The following RUNX1T1 variants were observed in gnomAD, a reference collection of about 807,000 sequenced individuals.
The protein encoded by RUNX1T1 is protein CBFA2T1.
RUNX1T1 carries 4 observed loss-of-function variants against 62.8 expected under a neutral mutation model. The ratio of observed to expected loss-of-function variants is 0.06; its 90% CI spans 0.03 to 0.15. The LOEUF is 0.15. Among genes scored for constraint, RUNX1T1 ranks in the 10% least tolerant of loss-of-function variants. The pLI is 1.00. For missense variants in RUNX1T1, 508 were observed against 754.3 expected (o/e 0.67, Z 3.82); for synonymous variants, 291 against 286.0 (o/e 1.02, Z -0.18).
chr8:91,991,873 A>C (rs1369110519), exon 6 of RUNX1T1: 1 of 1,614,156 alleles, frequency 6.2e-7, no homozygotes, highest in South Asian at 1.1e-5. Context: ...TCTCTGTCAA[A>C]GCCATTTTCT....
At chr8:91,975,046 C>T (rs1396700626) in intron 9 of RUNX1T1, among the ~76,000 whole-genome samples, 1 of 152,216 alleles carries the variant, frequency 6.6e-6, no homozygotes, top group Non-Finnish European at 1.5e-5. Flanking sequence ...AGTTTCCCAA[C>T]TCAAAAAGAC....
intron 5 of RUNX1T1, among the ~76,000 whole-genome samples, chr8:91,997,210 C>T (rs141841762): frequency 6.6e-6 from 1 of 152,172 alleles, no homozygotes; most frequent in Non-Finnish European, 1.5e-5. Context: ...TGCTGGTAAT[C>T]CCTTTAGTAA....
At chr8:91,959,809 A>C (rs1190370181) in exon 11 of RUNX1T1, 3 of 239,144 alleles carry the variant, frequency 1.3e-5, no homozygotes, top group South Asian at 1.3e-4. Flanking sequence ...TTTTTTTTCC[A>C]TTATTGTATA....
intron 6 of RUNX1T1, 41 bp from the exon 8 acceptor site, chr8:91,987,013 G>C: frequency 7.8e-7 from 1 of 1,275,294 alleles, no homozygotes; most frequent in South Asian, 1.2e-5. Flanking sequence ...AAAGCATTCA[G>C]TACACAACCC....
At chr8:92,015,983 GA>G (rs1182823269) in intron 2 of RUNX1T1, among the ~76,000 whole-genome samples, 5 of 152,114 alleles carry the variant, frequency 3.3e-5, no homozygotes, top group Admixed American at 2.0e-4. Context: ...TACACATTTG[GA>G]AAGGTCTTTT....
upstream of RUNX1T1, among the ~76,000 whole-genome samples, chr8:92,064,047 T>C (rs770056404): frequency 1.9e-4 from 29 of 152,296 alleles, no homozygotes; most frequent in Non-Finnish European, 3.7e-4. Context: ...TCCACACTAC[T>C]TGCTATCTCC....
chr8:92,067,884 G>A (rs979986819), upstream of RUNX1T1, among the ~76,000 whole-genome samples: 2 of 151,954 alleles, frequency 1.3e-5, no homozygotes, highest in Non-Finnish European at 2.9e-5. Context: ...TATTTTCAAC[G>A]TCTAATATTT....
At chr8:91,992,765 G>T (rs1184759262) in intron 5 of RUNX1T1, among the ~76,000 whole-genome samples, 1 of 152,158 alleles carries the variant, frequency 6.6e-6, no homozygotes, top group Non-Finnish European at 1.5e-5. Context: ...TCACATGGCA[G>T]GACGGGAACA....
chr8:92,095,357 A>AGGAGCGCG lies in RUNX1T1; in HGVS notation c.-86+4215_-86+4222dup, dbSNP rs747317669. The AGGAGCGCG allele has an allele frequency of 4.6e-6, 7 of 1,535,082 alleles. No homozygotes were observed. The South Asian group carries it at 6.0e-5, about 13-fold the overall frequency. On this transcript the variant is annotated intron_variant, in intron 1 of 11. Coordinates refer to the RUNX1T1 transcript ENST00000265814. ...GTTCACGGAGATTACCTTCTGGCAA[A>AGGAGCGCG]GGAGCGCGGGAGAGCGGCCGCGGCC...
At chr8:92,077,365 A>C (rs1294988753) in intron 1 of RUNX1T1, among the ~76,000 whole-genome samples, 1 of 152,104 alleles carries the variant, frequency 6.6e-6, no homozygotes, top group Non-Finnish European at 1.5e-5. Context: ...ATAAAGCAAA[A>C]AATTTCAATG....
At chr8:91,987,071 A>G in intron 6 of RUNX1T1, 99 bp from the exon 8 acceptor site, 1 of 788,460 alleles carries the variant, frequency 1.3e-6, no homozygotes, top group Non-Finnish European at 2.2e-6. Context: ...AACTCGATGT[A>G]AAAATACGTT....
intron 5 of RUNX1T1, chr8:92,004,677 CTG>C (rs1011972100): frequency 6.3e-6 from 1 of 158,346 alleles, no homozygotes; most frequent in African/African-American, 2.4e-5. Context: ...AACTACTGTA[CTG>C]TGTTAAGAAA....
chr8:92,032,986 A>G (rs1163902615), intron 1 of RUNX1T1, among the ~76,000 whole-genome samples: 3 of 152,206 alleles, frequency 2.0e-5, no homozygotes, highest in Non-Finnish European at 4.4e-5. Context: ...TTTAATTATA[A>G]TATGGTATTA....
intron 5 of RUNX1T1, among the ~76,000 whole-genome samples, chr8:91,993,631 T>C (rs556456507): frequency 6.6e-6 from 1 of 152,228 alleles, no homozygotes; most frequent in South Asian, 2.1e-4. Flanking sequence ...CTCAGGCTTT[T>C]TTCCCCCCAG....
intron 6 of RUNX1T1, 26 bp from the exon 8 acceptor site, chr8:91,986,998 AC>A (rs772305919): frequency 6.9e-7 from 1 of 1,458,836 alleles, no homozygotes; most frequent in South Asian, 1.1e-5. Context: ...AGGCTGAATA[AC>A]CCTAAAGCAT....
chr8:91,987,373 G>C (rs905904863), intron 6 of RUNX1T1, among the ~76,000 whole-genome samples: 3 of 152,108 alleles, frequency 2.0e-5, no homozygotes, highest in African/African-American at 7.2e-5. Context: ...GACAGCATAA[G>C]TCATTTTACA....
intron 6 of RUNX1T1, among the ~76,000 whole-genome samples, chr8:91,990,285 T>A (rs1480584142): frequency 6.6e-6 from 1 of 152,252 alleles, no homozygotes; most frequent in African/African-American, 2.4e-5. Context: ...TTTCTGGTTT[T>A]CTACTTGCAT....
At chr8:91,983,706 C>T (rs982621112) in intron 8 of RUNX1T1, among the ~76,000 whole-genome samples, 2 of 152,170 alleles carry the variant, frequency 1.3e-5, no homozygotes, top group Non-Finnish European at 2.9e-5. Flanking sequence ...CCAATAATCT[C>T]CAATCCTTTC....
chr8:91,972,219 C>T (rs1257329247), intron 9 of RUNX1T1, among the ~76,000 whole-genome samples: 3 of 152,098 alleles, frequency 2.0e-5, no homozygotes, highest in Non-Finnish European at 4.4e-5. Flanking sequence ...TTCAATTCCT[C>T]TGGTTTATTT....
Sources: allele counts gnomAD v4.1 joint callset (sites outside exome capture counted in the v4.1 genomes callset), GRCh38; gene constraint gnomAD v4.1.1; transcripts MANE v1.5; gene names NCBI Gene and HGNC (gene_info 2026-07-23, HGNC 2026-07-21).